ROR1: variants seen among roughly 807,000 people sequenced by gnomAD.
ROR1 encodes ROR family WNT receptor 1.
A neutral mutation model predicts 78.8 loss-of-function variants in ROR1; 19 were observed. The observed-to-expected ratio is 0.24, with a 90% CI of 0.17 to 0.35. The LOEUF (loss-of-function observed/expected upper bound fraction) is 0.35, where lower values mean the gene tolerates loss of function less well. ROR1 is among the 10% of genes least tolerant of loss of function. The pLI is 1.00. For missense variants in ROR1, 917 were observed against 1,177.8 expected (o/e 0.78, Z 3.24); for synonymous variants, 386 against 433.6 (o/e 0.89, Z 1.36).
chr1:63,915,567 A>G (rs1645602580), intron 1 of ROR1, among the ~76,000 whole-genome samples: 3 of 152,254 alleles, frequency 2.0e-5, no homozygotes, highest in South Asian at 2.1e-4. Context: ...TCTTAATCAT[A>G]TGACTATTAC....
chr1:64,024,279 G>A (rs1319248638), intron 2 of ROR1, among the ~76,000 whole-genome samples: 1 of 152,026 alleles, frequency 6.6e-6, no homozygotes, highest in Non-Finnish European at 1.5e-5. Flanking sequence ...TCAGGATTTC[G>A]AGACCAACCT....
chr1:63,978,684 A>G lies in ROR1; in HGVS notation c.92-30621A>G, dbSNP rs139953318. Among the ~76,000 whole-genome samples the G allele has an allele frequency of 1.0e-3, 157 of 152,354 alleles. 2 individuals are homozygous for G. Among genetic ancestry groups the G allele is most frequent in the Non-Finnish European group, 1.6e-3 (108 of 68,032 alleles). On this transcript the variant is annotated intron_variant, in intron 1 of 8. Coordinates refer to ENST00000371079, the MANE Select transcript of ROR1 (RefSeq NM_005012.4). ...ATCAAAGAAATCCTCATATGGTTCT[A>G]TAAGAGAACATGTATAAGCATGTTC...
intron 4 of ROR1, among the ~76,000 whole-genome samples, chr1:64,089,624 A>T (rs1233221387): frequency 6.6e-6 from 1 of 152,202 alleles, no homozygotes. Context: ...CTTCTCTGAA[A>T]ATGTTAATAA....
intron 1 of ROR1, among the ~76,000 whole-genome samples, chr1:63,914,619 A>T (rs536789169): frequency 2.5e-4 from 38 of 152,218 alleles, no homozygotes; most frequent in African/African-American, 8.9e-4. Flanking sequence ...ATCCCAATTT[A>T]TCTTTCCAGA....
intron 4 of ROR1, among the ~76,000 whole-genome samples, chr1:64,073,578 T>C (rs1178490194): frequency 1.3e-5 from 2 of 152,216 alleles, no homozygotes; most frequent in African/African-American, 4.8e-5. Flanking sequence ...TTTGAGTGCT[T>C]GGCTCTGTAA....
chr1:64,083,536 T>TGTGTGTGTGTGTGTGTGTGTGTGTG (rs139973518), intron 4 of ROR1, among the ~76,000 whole-genome samples: 8 of 150,714 alleles, frequency 5.3e-5, no homozygotes, highest in Admixed American at 1.3e-4. Flanking sequence ...AGTGTGTGTG[T>TGTGTGTGTGTGTGTGTGTGTGTGTG]TTTAGGAACA....
At chr1:63,852,300 G>A (rs887026405) in intron 1 of ROR1, among the ~76,000 whole-genome samples, 13 of 152,170 alleles carry the variant, frequency 8.5e-5, no homozygotes, top group Admixed American at 1.3e-4. Context: ...CCCTTGCCCT[G>A]GCAAACTCTT....
chr1:64,129,749 A>T (rs1454189723), intron 4 of ROR1, among the ~76,000 whole-genome samples: 4 of 152,212 alleles, frequency 2.6e-5, no homozygotes. Flanking sequence ...CAGTCCTATC[A>T]TTTCAAATGT....
intron 1 of ROR1, among the ~76,000 whole-genome samples, chr1:63,786,915 C>A (rs571694256): frequency 6.6e-6 from 1 of 152,240 alleles, no homozygotes; most frequent in African/African-American, 2.4e-5. Flanking sequence ...GATTTAGCAA[C>A]TGAAAGGGAT....
At chr1:64,032,280 G>T (rs979601477) in intron 2 of ROR1, among the ~76,000 whole-genome samples, 2 of 144,164 alleles carry the variant, frequency 1.4e-5, no homozygotes, top group Non-Finnish European at 3.0e-5. Context: ...GGAGGAGCTT[G>T]CAGTGAGCCG....
Position 64,178,792 on chromosome 1 carries a change from A to T in ROR1, c.2751A>T (p.Ala917=). The T allele has an allele frequency of 6.2e-7, 1 of 1,614,204 alleles. No homozygotes were observed. The highest frequency in any genetic ancestry group is 8.5e-7 in the Non-Finnish European group (1 of 1,180,032). Residue 917 remains alanine (A), a synonymous_variant, in exon 9 of 9, where the codon GCA becomes GCT. Transcript: ENST00000371079. This position sits in a 1 kb window ranked among gnomAD's most constrained non-coding sequence, Gnocchi z 4.3. ...CCTACAAAATTGACTCAAAGCAAGC[A>T]TCTTTACTAGGAGACGCCAATATTC... ...QKPYKIDSKQ[A]SLLGDANIHG... is the part of the protein sequence containing the mutation.
At chr1:63,956,990 G>A (rs1645987649) in intron 1 of ROR1, among the ~76,000 whole-genome samples, 1 of 152,174 alleles carries the variant, frequency 6.6e-6, no homozygotes, top group African/African-American at 2.4e-5. Flanking sequence ...GCCAATAGAA[G>A]TGGGTAATAG....
At chr1:64,109,575 C>T (rs545144240) in intron 4 of ROR1, among the ~76,000 whole-genome samples, 1 of 152,176 alleles carries the variant, frequency 6.6e-6, no homozygotes, top group East Asian at 1.9e-4. Flanking sequence ...GTTACTTATC[C>T]TTTCTGAAAA....
At chr1:63,918,067 G>A (rs1181248081) in intron 1 of ROR1, among the ~76,000 whole-genome samples, 1 of 152,206 alleles carries the variant, frequency 6.6e-6, no homozygotes, top group Non-Finnish European at 1.5e-5. Flanking sequence ...CTTGTCTAGT[G>A]CCCCCTTGAG....
intron 4 of ROR1, chr1:64,108,235 A>T (rs1319669591): frequency 6.6e-6 from 1 of 151,220 alleles, no homozygotes; most frequent in East Asian, 2.0e-4. Context: ...CATCTCTACT[A>T]AAAATACAAA....
intron 1 of ROR1, among the ~76,000 whole-genome samples, chr1:63,959,865 A>C (rs1646013958): frequency 6.6e-6 from 1 of 152,204 alleles, no homozygotes; most frequent in Non-Finnish European, 1.5e-5. Context: ...TTGCACCAGC[A>C]GCCCCTTCAA....
rs116565036 is a variant in ROR1, at chr1:64,012,613, C to T, written c.163+3237C>T. Among the ~76,000 whole-genome samples, 313 of 152,230 alleles carry T rather than the reference C, an allele frequency of 2.1e-3. 1 individual carries two copies. The highest frequency in any genetic ancestry group is 7.2e-3 in the African/African-American group (298 of 41,548). ...CAAACTCCTGCTGATGTTGAGCTTACTTTAAAAAATTATAATGCATACAAG... is the reference window on the plus strand; with the variant it reads ...CAAACTCCTGCTGATGTTGAGCTTATTTTAAAAAATTATAATGCATACAAG... On this transcript the variant is annotated intron_variant, in intron 2 of 8. Coordinates refer to ENST00000371079, the MANE Select transcript of ROR1 (RefSeq NM_005012.4).
intron 1 of ROR1, among the ~76,000 whole-genome samples, chr1:63,860,041 G>T (rs1645170330): frequency 6.6e-6 from 1 of 152,120 alleles, no homozygotes; most frequent in East Asian, 1.9e-4. Flanking sequence ...CTGAACCCAG[G>T]CCTATTAGAG....
intron 1 of ROR1, among the ~76,000 whole-genome samples, chr1:63,961,971 A>T (rs1434133213): frequency 6.6e-6 from 1 of 152,222 alleles, no homozygotes; most frequent in Non-Finnish European, 1.5e-5. Flanking sequence ...ATGTACAATT[A>T]TTATGTGTCA....
Sources: allele counts gnomAD v4.1 joint callset (sites outside exome capture counted in the v4.1 genomes callset), GRCh38; gene constraint gnomAD v4.1.1; non-coding constraint Gnocchi (gnomAD v3.1); transcripts MANE v1.5; gene names NCBI Gene and HGNC (gene_info 2026-07-23, HGNC 2026-07-21).